KAZN: variants seen among roughly 807,000 people sequenced by gnomAD.
The protein encoded by KAZN is kazrin.
Under a neutral mutation model 87.4 loss-of-function variants are expected in KAZN, and 40 were observed. That is an observed-to-expected ratio of 0.46 (90% confidence interval 0.36 to 0.60). The LOEUF (loss-of-function observed/expected upper bound fraction) is 0.60, where lower values mean the gene tolerates loss of function less well. Among genes scored for constraint, KAZN ranks in the 20% least tolerant of loss-of-function variants. KAZN has a pLI of 0.00. For missense variants in KAZN, 898 were observed against 1,073.9 expected, an observed-to-expected ratio of 0.84 and a Z score of 2.29; for synonymous variants, 466 against 458.3, an observed-to-expected ratio of 1.02 and a Z score of -0.22.
At chr1:14,590,442 G>A (rs1676126979) in intron 2 of KAZN, among the ~76,000 whole-genome samples, 1 of 152,126 alleles carries the variant, frequency 6.6e-6, no homozygotes, top group Non-Finnish European at 1.5e-5. Context: ...GTATTAGAGG[G>A]GGAAATGAGA....
chr1:14,186,676 A>G (rs1646313581), intron 2 of KAZN, among the ~76,000 whole-genome samples: 1 of 152,110 alleles, frequency 6.6e-6, no homozygotes, highest in Non-Finnish European at 1.5e-5. Flanking sequence ...TCTCGCCATG[A>G]CTGTGAGCAA....
intron 2 of KAZN, among the ~76,000 whole-genome samples, chr1:15,007,825 G>A (rs906725042): frequency 1.3e-5 from 2 of 152,124 alleles, no homozygotes; most frequent in Non-Finnish European, 1.5e-5. Flanking sequence ...TTCACTTCTC[G>A]GCTTTGATTT....
rs114823114 is a variant in KAZN, at chr1:13,972,335, G to T, written c.91+78579G>T. On this transcript the variant is annotated intron_variant, in intron 1 of 16. Coordinates refer to the KAZN transcript ENST00000636203. ...TTCACCCAGGCCGGAGTGCAGTGGC[G>T]CTATCTTGGCTCATTGCAAGCTCTG... Among the ~76,000 whole-genome samples, 951 of 148,850 alleles carry T rather than the reference G, an allele frequency of 6.4e-3. 6 individuals carry two copies. Among genetic ancestry groups the T allele is most frequent in the African/African-American group, 0.021 (841 of 40,124 alleles).
upstream of KAZN, among the ~76,000 whole-genome samples, chr1:14,594,660 C>G (rs1380889581): frequency 6.6e-6 from 1 of 152,216 alleles, no homozygotes; most frequent in Non-Finnish European, 1.5e-5. Flanking sequence ...AAACAGAACC[C>G]ACAGTACTGC....
At chr1:14,638,679 G>C (rs1680195835) in intron 1 of KAZN, among the ~76,000 whole-genome samples, 1 of 152,170 alleles carries the variant, frequency 6.6e-6, no homozygotes, top group African/African-American at 2.4e-5. Context: ...AGGCAGCAGG[G>C]AGATGGGCCT....
At chr1:13,959,913 T>C (rs1350707749) in intron 1 of KAZN, among the ~76,000 whole-genome samples, 1 of 152,238 alleles carries the variant, frequency 6.6e-6, no homozygotes, top group Non-Finnish European at 1.5e-5. Context: ...CGAAGGACTA[T>C]AATGCAGTGG....
intron 2 of KAZN, among the ~76,000 whole-genome samples, chr1:14,205,836 A>G (rs1314496395): frequency 7.5e-6 from 1 of 133,512 alleles, no homozygotes; most frequent in African/African-American, 2.7e-5. Flanking sequence ...CAGTGAGCCA[A>G]GATTGCGCCA....
chr1:14,003,587 G>C lies in KAZN; in HGVS notation c.91+109831G>C, dbSNP rs564785023. The stretch of plus-strand genomic sequence containing the variant: ...CCAGAAATATACCCACAAATATACA[G>C]TCATTTGATTTGTAAGACCACACAC... On this transcript the variant is annotated intron_variant, in intron 1 of 16. Transcript: ENST00000636203. Among the ~76,000 whole-genome samples, 3 of 152,208 alleles carry C rather than the reference G, an allele frequency of 2.0e-5. No homozygotes were observed. The South Asian group carries it at 6.2e-4, about 32-fold the overall frequency.
At chr1:13,981,843 A>G (rs1216720088) in intron 1 of KAZN, among the ~76,000 whole-genome samples, 3 of 152,112 alleles carry the variant, frequency 2.0e-5, no homozygotes, top group Non-Finnish European at 4.4e-5. Flanking sequence ...ATGCTGTGAT[A>G]TGTTGTGGTT....
Position 14,141,401 on chromosome 1 carries a change from C to T in KAZN, c.92-39034C>T, listed in dbSNP as rs568172339. 2.6e-5 allele frequency among the ~76,000 whole-genome samples: 4 copies of T among 152,114 alleles called. No individual in the cohort carries two copies. In the East Asian group the frequency reaches 7.8e-4, roughly 29 times the overall value. On this transcript the variant is annotated intron_variant, in intron 1 of 16. Coordinates refer to the KAZN transcript ENST00000636203. ...CGACGCCCACCTGTTGACATAGACC[C>T]TCTCCAAGGGTCAGCCCCATAGGTT...
At chr1:14,281,866 G>A (rs1381227522) in intron 2 of KAZN, among the ~76,000 whole-genome samples, 1 of 152,156 alleles carries the variant, frequency 6.6e-6, no homozygotes, top group Non-Finnish European at 1.5e-5. Context: ...CCACGAGGGT[G>A]ACTTACTGTT....
intron 1 of KAZN, among the ~76,000 whole-genome samples, chr1:14,874,487 T>TGGAC (rs1372747643): frequency 3.3e-5 from 5 of 150,970 alleles, no homozygotes. Context: ...GATGGATGGA[T>TGGAC]GGATGGATGG....
intron 2 of KAZN, among the ~76,000 whole-genome samples, chr1:14,272,340 A>G (rs1417958980): frequency 6.6e-6 from 1 of 152,196 alleles, no homozygotes; most frequent in Non-Finnish European, 1.5e-5. Context: ...AGAAGCAGCC[A>G]GGCCTTTTAC....
chr1:13,964,427 A>G (rs961187958), intron 1 of KAZN, among the ~76,000 whole-genome samples: 1 of 152,236 alleles, frequency 6.6e-6, no homozygotes, highest in Non-Finnish European at 1.5e-5. Flanking sequence ...ACAACTGCTT[A>G]TGTAGCCCCT....
chr1:15,044,240 A>C, intron 4 of KAZN, 81 bp downstream of exon 4: 2 of 688,246 alleles, frequency 2.9e-6, no homozygotes, highest in Non-Finnish European at 4.1e-6. Flanking sequence ...GCACCGACTC[A>C]CATCGGAGAC....
intron 2 of KAZN, among the ~76,000 whole-genome samples, chr1:14,445,599 T>C (rs994691206): frequency 6.6e-6 from 1 of 152,110 alleles, no homozygotes; most frequent in Non-Finnish European, 1.5e-5. Flanking sequence ...GCCCCCCGAC[T>C]GTGGTATTTG....
intron 2 of KAZN, among the ~76,000 whole-genome samples, chr1:14,365,981 T>C (rs1245266855): frequency 1.3e-5 from 2 of 152,232 alleles, no homozygotes; most frequent in East Asian, 1.9e-4. Flanking sequence ...ACAGTTATTA[T>C]TGTTAGTTCA....
rs994119008 is a variant in KAZN, at chr1:14,701,372, C to T, written c.226+102149C>T. Among the ~76,000 whole-genome samples the T allele has an allele frequency of 3.9e-5, 6 of 152,322 alleles. No homozygotes were observed. The East Asian group carries it at 5.8e-4, about 15-fold the overall frequency. ...TCGTGAACTCCTGGACTCAAGCTGT[C>T]GTCCTGCCTTGACCTCCCAAAGTGT... On this transcript the variant is annotated intron_variant, in intron 1 of 14. Coordinates refer to ENST00000376030, the MANE Select transcript of KAZN (RefSeq NM_201628.3).
chr1:14,702,444 GT>G (rs1247127448), intron 1 of KAZN, among the ~76,000 whole-genome samples: 2 of 150,702 alleles, frequency 1.3e-5, no homozygotes, highest in East Asian at 4.0e-4. Context: ...TCGCAAAAAG[GT>G]TATCAACCAA....
Sources: allele counts gnomAD v4.1 joint callset (sites outside exome capture counted in the v4.1 genomes callset), GRCh38; gene constraint gnomAD v4.1.1; transcripts MANE v1.5; gene names NCBI Gene and HGNC (gene_info 2026-07-23, HGNC 2026-07-21).